Variants in PLEKHA5 observed in about 807,000 individuals in gnomAD.
The protein encoded by PLEKHA5 is pleckstrin homology domain-containing family A member 5.
In PLEKHA5, 55 loss-of-function variants were observed where a neutral mutation model predicts 181.9. That is an observed-to-expected ratio of 0.30 (90% CI 0.24 to 0.38). PLEKHA5 has a LOEUF of 0.38. PLEKHA5 is among the 10% of genes least tolerant of loss of function. The pLI is 1.00. For synonymous variants in PLEKHA5, 535 were observed against 529.4 expected (o/e 1.01, Z -0.15); for missense variants, 1,432 against 1,549.5 (o/e 0.92, Z 1.27).
intron 3 of PLEKHA5, among the ~76,000 whole-genome samples, chr12:19,161,209 T>C (rs957316888): frequency 2.0e-5 from 3 of 151,964 alleles, no homozygotes; most frequent in Non-Finnish European, 2.9e-5. Context: ...GTATTTTTTT[T>C]CCCCACTCTT....
intron 11 of PLEKHA5, among the ~76,000 whole-genome samples, chr12:19,281,605 AC>A (rs1190767807): frequency 1.3e-5 from 2 of 151,954 alleles, no homozygotes; most frequent in East Asian, 3.9e-4. Flanking sequence ...ATAGGGAAAC[AC>A]AAATGCTAAC....
intron 3 of PLEKHA5, among the ~76,000 whole-genome samples, chr12:19,169,303 A>G (rs908208914): frequency 6.6e-6 from 1 of 151,624 alleles, no homozygotes; most frequent in African/African-American, 2.4e-5. Flanking sequence ...AAGCCAACAT[A>G]GATAAATTAA....
Position 19,283,367 on chromosome 12 carries a change from C to T in PLEKHA5, c.1401C>T (p.Leu467=). Residue 467 remains leucine (L), a synonymous_variant, in exon 12 of 32, where the codon CTC becomes CTT. Coordinates refer to ENST00000429027, the MANE Select transcript of PLEKHA5 (RefSeq NM_001256470.2). ...MARYPEGYRT[L]PRNSKTRPES... ...GCTACCCTGAAGGTTATAGAACACT[C>T]CCAAGAAACAGCAAGACAAGGCCTG... 6.2e-7 allele frequency: 1 copy of T among 1,613,888 alleles called. No individual in the cohort carries two copies. Among genetic ancestry groups the T allele is most frequent in the Non-Finnish European group, 8.5e-7 (1 of 1,179,964 alleles).
intron 20 of PLEKHA5, among the ~76,000 whole-genome samples, chr12:19,333,354 C>A (rs1004390480): frequency 1.3e-5 from 2 of 151,344 alleles, no homozygotes; most frequent in Non-Finnish European, 2.9e-5. Flanking sequence ...CTGAGGCAGG[C>A]GGATCATGAG....
intron 3 of PLEKHA5, among the ~76,000 whole-genome samples, chr12:19,226,014 TGTG>T (rs538155039): frequency 1.1e-4 from 16 of 152,310 alleles, no homozygotes; most frequent in Non-Finnish European, 1.9e-4. Flanking sequence ...ATTTTTCAAT[TGTG>T]GTAAAATTCA....
chr12:19,291,270 C>CGTTT (rs1275294535), intron 14 of PLEKHA5, among the ~76,000 whole-genome samples: 1 of 151,928 alleles, frequency 6.6e-6, no homozygotes, highest in Non-Finnish European at 1.5e-5. Context: ...AACACATAAC[C>CGTTT]GTTTCTCAAA....
At chr12:19,318,155 T>C (rs1031490010) in intron 16 of PLEKHA5, among the ~76,000 whole-genome samples, 4 of 152,046 alleles carry the variant, frequency 2.6e-5, no homozygotes, top group Non-Finnish European at 5.9e-5. Flanking sequence ...TGTTTTCTTA[T>C]GCTTTTATTC....
In PLEKHA5 at chr12:19,264,224, A is replaced by G. The variant is rs183673350; in HGVS notation, c.611-1526A>G. Among the ~76,000 whole-genome samples the G allele has an allele frequency of 1.1e-4, 16 of 152,234 alleles. No homozygotes were observed. In the East Asian group the frequency reaches 2.3e-3, roughly 22 times the overall value. On this transcript the variant is annotated intron_variant, in intron 7 of 31. Coordinates refer to ENST00000429027, the MANE Select transcript of PLEKHA5 (RefSeq NM_001256470.2). ...TCCTCAATTTTATAGATGATAAAAC[A>G]GATACTAAGCATCAATAACTTGGCA...
chr12:19,302,623 C>G (rs1043301865), intron 15 of PLEKHA5, among the ~76,000 whole-genome samples: 2 of 151,974 alleles, frequency 1.3e-5, no homozygotes, highest in African/African-American at 4.8e-5. Context: ...TCTTGAACTC[C>G]TGACCTCAAG....
At chr12:19,322,249 C>A in intron 18 of PLEKHA5, 61 bp from the exon 19 acceptor site, 1 of 987,682 alleles carries the variant, frequency 1.0e-6, no homozygotes. Flanking sequence ...TAATGACTGC[C>A]TACCTCCAAT....
At chr12:19,329,040 A>T (rs2092572080) in intron 20 of PLEKHA5, among the ~76,000 whole-genome samples, 1 of 152,164 alleles carries the variant, frequency 6.6e-6, no homozygotes, top group Non-Finnish European at 1.5e-5. Flanking sequence ...AAGGGTTTTT[A>T]TCATGAAGAG....
intron 3 of PLEKHA5, chr12:19,154,294 C>T (rs1397727689): frequency 6.6e-6 from 1 of 151,902 alleles, no homozygotes; most frequent in Non-Finnish European, 1.5e-5. Context: ...AATCTTTTTC[C>T]AGTTTTATAA....
In PLEKHA5 at chr12:19,291,701, G is replaced by A; in HGVS notation, c.2037+4G>A. 1.4e-6 allele frequency: 2 copies of A among 1,474,572 alleles called. No individual in the cohort carries two copies. The allele number at this position is 1,474,572 out of a possible 1,614,324, so 91.3% of individuals were successfully genotyped here. A position where few individuals can be genotyped will look rare whatever the true frequency, so the allele number is the denominator to read the frequency against. On this transcript the variant is annotated splice_donor_region_variant and intron_variant, in intron 15 of 31. Transcript: ENST00000429027. ...CACCATATATTTGGATCATCAGGTG[G>A]GATTCATAGAGATTTTCTTACTTTT... is the stretch of plus-strand genomic sequence containing the variant.
intron 3 of PLEKHA5, among the ~76,000 whole-genome samples, chr12:19,169,131 G>A (rs2045290665): frequency 6.6e-6 from 1 of 152,134 alleles, no homozygotes; most frequent in Non-Finnish European, 1.5e-5. Flanking sequence ...GGAAAAATCA[G>A]CAATTGGCTT....
At chr12:19,282,051 G>A (rs1336113640) in intron 11 of PLEKHA5, among the ~76,000 whole-genome samples, 4 of 152,106 alleles carry the variant, frequency 2.6e-5, no homozygotes, top group Admixed American at 2.6e-4. Context: ...CAAAGTGCTG[G>A]GATTACAGGC....
intron 15 of PLEKHA5, among the ~76,000 whole-genome samples, chr12:19,300,761 G>A (rs750112194): frequency 6.6e-6 from 1 of 152,126 alleles, no homozygotes. Context: ...CAGCTACTCA[G>A]TGCCATTTGT....
intron 6 of PLEKHA5, among the ~76,000 whole-genome samples, chr12:19,259,142 A>G (rs1454674853): frequency 6.6e-6 from 1 of 151,984 alleles, no homozygotes; most frequent in Non-Finnish European, 1.5e-5. Context: ...GAATCACTTG[A>G]GCCCAGGAGT....
chr12:19,307,625 A>T, intron 15 of PLEKHA5: 1 of 327,746 alleles, frequency 3.1e-6, no homozygotes, highest in South Asian at 3.4e-5. Context: ...CAAGGAGCAG[A>T]TCAAGAGAGT....
rs145189666 is a variant in PLEKHA5, at chr12:19,343,320, T to C, written c.2551-3T>C. 3.1e-6 allele frequency: 5 copies of C among 1,600,546 alleles called. No individual in the cohort carries two copies. The East Asian group carries it at 8.9e-5, about 29-fold the overall frequency. The stretch of plus-strand genomic sequence containing the variant: ...TATATGGTCTATCCATTTTTACTGA[T>C]AGACGGAATCAGCAGGAATTCAGCG... On this transcript the variant is annotated splice_polypyrimidine_tract_variant and splice_region_variant and intron_variant, in intron 21 of 31. Transcript: ENST00000429027.
Sources: gnomAD v4.1 joint callset for allele counts (sites outside exome capture counted in the v4.1 genomes callset) on GRCh38, gnomAD v4.1.1 for gene constraint, MANE v1.5 for transcripts, NCBI Gene and HGNC (gene_info 2026-07-23, HGNC 2026-07-21) for gene names.